The following NAA15 variants were observed in gnomAD, a reference collection of about 807,000 sequenced individuals.
The protein encoded by NAA15 is N-terminal acetyltransferase.
NAA15 carries 34 observed loss-of-function variants against 114.0 expected under a neutral mutation model. The observed-to-expected ratio is 0.30, with a 90% CI of 0.23 to 0.40. The LOEUF (loss-of-function observed/expected upper bound fraction) is 0.40. NAA15 is among the 10% of genes least tolerant of loss of function. The pLI is 1.00. For missense variants in NAA15, 658 were observed against 1,004.5 expected (o/e 0.66, Z 4.66); for synonymous variants, 340 against 338.0 (o/e 1.01, Z -0.06).
intron 14 of NAA15, among the ~76,000 whole-genome samples, chr4:139,365,331 T>C (rs1006380935): frequency 3.3e-5 from 5 of 151,490 alleles, no homozygotes; most frequent in African/African-American, 1.2e-4. Flanking sequence ...AGCCACCACA[T>C]GCGGCCTACA....
At chr4:139,376,309 A>G in intron 15 of NAA15, 56 bp from the exon 16 acceptor site, 2 of 1,112,138 alleles carry the variant, frequency 1.8e-6, no homozygotes, top group South Asian at 1.4e-5. Flanking sequence ...GTAGAATAAA[A>G]TCACATTCCC....
intron 15 of NAA15, among the ~76,000 whole-genome samples, chr4:139,373,497 G>A (rs1267237108): frequency 2.0e-5 from 3 of 152,086 alleles, no homozygotes; most frequent in East Asian, 1.9e-4. Flanking sequence ...AGTAATTCCA[G>A]TAAAGAAGGA....
At chr4:139,385,825 C>A (rs1031532018) in intron 18 of NAA15, among the ~76,000 whole-genome samples, 3 of 152,202 alleles carry the variant, frequency 2.0e-5, no homozygotes, top group Non-Finnish European at 2.9e-5. Context: ...CACAAAAATA[C>A]AAGTATTATT....
intron 1 of NAA15, among the ~76,000 whole-genome samples, chr4:139,326,359 A>C (rs1746799966): frequency 6.6e-6 from 1 of 152,068 alleles, no homozygotes; most frequent in African/African-American, 2.4e-5. Context: ...GATTAAATAA[A>C]TTTTCCCTGT....
intron 10 of NAA15, among the ~76,000 whole-genome samples, chr4:139,354,695 C>G (rs778527575): frequency 6.6e-6 from 1 of 152,194 alleles, no homozygotes; most frequent in African/African-American, 2.4e-5. Flanking sequence ...ACCCAGCACT[C>G]AGCTTCAATA....
chr4:139,343,744 C>T (rs1747487766), intron 5 of NAA15, among the ~76,000 whole-genome samples: 1 of 152,178 alleles, frequency 6.6e-6, no homozygotes, highest in Admixed American at 6.5e-5. Context: ...ACGTATTTTT[C>T]TCTCTTTGTG....
intron 9 of NAA15, 91 bp downstream of exon 9, chr4:139,351,702 C>T (rs768341915): frequency 1.0e-4 from 63 of 618,138 alleles, no homozygotes; most frequent in South Asian, 9.7e-4. Context: ...CACAGTAGTA[C>T]GTGTTTTGTG....
chr4:139,360,894 A>C (rs1748113218), intron 13 of NAA15, among the ~76,000 whole-genome samples: 1 of 152,108 alleles, frequency 6.6e-6, no homozygotes, highest in Non-Finnish European at 1.5e-5. Flanking sequence ...TGAACCTTCC[A>C]AATTGCTGCT....
chr4:139,327,908 A>C (rs1023034531), intron 1 of NAA15, among the ~76,000 whole-genome samples: 4 of 152,036 alleles, frequency 2.6e-5, no homozygotes, highest in African/African-American at 9.7e-5. Context: ...CAGGTGATCC[A>C]CCCGTCTCAG....
chr4:139,336,753 G>A (rs1303221304), intron 2 of NAA15, 95 bp from the exon 3 acceptor site: 7 of 583,338 alleles, frequency 1.2e-5, no homozygotes, highest in Admixed American at 7.9e-5. Context: ...TTAAGGCAGT[G>A]TAGCATTTGT....
rs539378558 is a variant in NAA15, at chr4:139,362,362, C to G, written c.1753+425C>G. 6.1e-3 allele frequency among the ~76,000 whole-genome samples: 930 copies of G among 152,266 alleles called. 7 individuals are homozygous for G. Among genetic ancestry groups the G allele is most frequent in the Non-Finnish European group, 8.4e-3 (569 of 68,020 alleles). Reference sequence around the variant, plus strand: ...GTGCATGATCTCGGATCACTGCAACCTCCCAGGTTCAAGCGATTCTCCTGC... The same window carrying G: ...GTGCATGATCTCGGATCACTGCAACGTCCCAGGTTCAAGCGATTCTCCTGC... On this transcript the variant is annotated intron_variant, in intron 14 of 19. Coordinates refer to ENST00000296543, the MANE Select transcript of NAA15 (RefSeq NM_057175.5).
chr4:139,364,477 CT>C (rs1748222356), intron 14 of NAA15, among the ~76,000 whole-genome samples: 1 of 152,114 alleles, frequency 6.6e-6, no homozygotes. Flanking sequence ...TTCCACCTCC[CT>C]TCCTCCCCAA....
chr4:139,325,856 C>T (rs1220165057), intron 1 of NAA15, among the ~76,000 whole-genome samples: 1 of 151,910 alleles, frequency 6.6e-6, no homozygotes, highest in Non-Finnish European at 1.5e-5. Flanking sequence ...AAACTCCTGC[C>T]TCAAGCGATC....
At chr4:139,328,064 C>T (rs1553993997) in intron 1 of NAA15, among the ~76,000 whole-genome samples, 1 of 151,846 alleles carries the variant, frequency 6.6e-6, no homozygotes. Flanking sequence ...ATTATCTTTT[C>T]TCTCTCTTTC....
chr4:139,316,189 C>T (rs373423029), intron 1 of NAA15, among the ~76,000 whole-genome samples: 20 of 151,860 alleles, frequency 1.3e-4, no homozygotes, highest in Admixed American at 5.2e-4. Flanking sequence ...GCTTGTGAAA[C>T]AATTTCTTAA....
At chr4:139,328,094 C>T (rs1746862563) in intron 1 of NAA15, among the ~76,000 whole-genome samples, 1 of 150,948 alleles carries the variant, frequency 6.6e-6, no homozygotes. Context: ...GTTTCTGTTG[C>T]TATGTCTGTC....
chr4:139,350,862 G>T (rs1434023364), intron 7 of NAA15, among the ~76,000 whole-genome samples: 1 of 151,910 alleles, frequency 6.6e-6, no homozygotes, highest in Non-Finnish European at 1.5e-5. Flanking sequence ...TCAGAGGAGA[G>T]GAGTTAGAGG....
chr4:139,356,371 G>A (rs1463194753), intron 10 of NAA15: 9 of 152,162 alleles, frequency 5.9e-5, no homozygotes, highest in Non-Finnish European at 1.3e-4. Flanking sequence ...CCCGGTATGG[G>A]ACCCTGGGTG....
At chr4:139,332,630 T>G (rs952947684) in intron 1 of NAA15, among the ~76,000 whole-genome samples, 2 of 130,942 alleles carry the variant, frequency 1.5e-5, no homozygotes, top group Admixed American at 1.7e-4. Flanking sequence ...TTGCCCAGGC[T>G]GGAGTGTGGT....
Sources: gnomAD v4.1 joint callset for allele counts (sites outside exome capture counted in the v4.1 genomes callset) on GRCh38, gnomAD v4.1.1 for gene constraint, MANE v1.5 for transcripts, NCBI Gene and HGNC (gene_info 2026-07-23, HGNC 2026-07-21) for gene names.